The following FOCAD variants were observed in gnomAD, a reference collection of about 807,000 sequenced individuals.
FOCAD encodes KIAA1797.
Under a neutral mutation model 225.6 loss-of-function variants are expected in FOCAD, and 198 were observed. The ratio of observed to expected loss-of-function variants is 0.88; its 90% confidence interval spans 0.78 to 0.99. The LOEUF is 0.99. Among genes scored for constraint, FOCAD ranks in the 50% least tolerant of loss-of-function variants. The pLI, the probability that FOCAD is intolerant of heterozygous loss-of-function variation, is 0.00. For missense variants in FOCAD, 2,713 were observed against 2,123.6 expected, an observed-to-expected ratio of 1.28 and a Z score of -5.46; for synonymous variants, 897 against 755.0, an observed-to-expected ratio of 1.19 and a Z score of -3.08.
At chr9:20,702,224 T>C (rs1271032099) in intron 1 of FOCAD, among the ~76,000 whole-genome samples, 1 of 152,128 alleles carries the variant, frequency 6.6e-6, no homozygotes, top group Non-Finnish European at 1.5e-5. Context: ...CACTGCAGCC[T>C]CCTGGGTAGC....
intron 36 of FOCAD, among the ~76,000 whole-genome samples, chr9:20,977,382 C>G (rs183432500): frequency 2.0e-5 from 3 of 152,328 alleles, no homozygotes; most frequent in Non-Finnish European, 4.4e-5. Context: ...ATTATTCTGC[C>G]TACCACAGTT....
intron 6 of FOCAD, among the ~76,000 whole-genome samples, chr9:20,758,559 C>A (rs951243138): frequency 1.4e-5 from 2 of 143,824 alleles, no homozygotes; most frequent in African/African-American, 2.6e-5. Flanking sequence ...TGTTCCCCTT[C>A]CTGTGTCCAT....
chr9:20,938,139 A>T (rs1427415864), intron 28 of FOCAD, among the ~76,000 whole-genome samples: 1 of 152,252 alleles, frequency 6.6e-6, no homozygotes, highest in Non-Finnish European at 1.5e-5. Flanking sequence ...GTGGGACCGT[A>T]AACTAGTTCA....
chr9:20,762,830 C>A (rs780342726), intron 6 of FOCAD, among the ~76,000 whole-genome samples: 1 of 152,156 alleles, frequency 6.6e-6, no homozygotes, highest in Non-Finnish European at 1.5e-5. Context: ...CCTTCCCACC[C>A]TCTGTTTGGA....
chr9:20,672,024 C>A (rs927311423), intron 2 of FOCAD, among the ~76,000 whole-genome samples: 1 of 151,268 alleles, frequency 6.6e-6, no homozygotes, highest in Admixed American at 6.6e-5. Context: ...TTTACCAGCA[C>A]ACCACTGACT....
intron 2 of FOCAD, among the ~76,000 whole-genome samples, chr9:20,661,619 C>G (rs1409615876): frequency 6.6e-6 from 1 of 152,116 alleles, no homozygotes; most frequent in East Asian, 1.9e-4. Context: ...TACTGTTTTA[C>G]ATTTTGTCAC....
chr9:20,691,363 T>G (rs1822966145), intron 1 of FOCAD, among the ~76,000 whole-genome samples: 1 of 152,206 alleles, frequency 6.6e-6, no homozygotes, highest in South Asian at 2.1e-4. Flanking sequence ...ATCTCCCTGA[T>G]AAGAGTGCTG....
Position 20,778,662 on chromosome 9 carries a change from T to TC in FOCAD, c.907-14dup. ...GGGAACTTCTTTAACAACTCCTTTT[T>TC]CCCCCTCTATTCTTTTAGGATTTTC... On this transcript the variant is annotated intron_variant, in intron 8 of 43. Coordinates refer to ENST00000338382, the MANE Select transcript of FOCAD (RefSeq NM_001375567.1). 7.0e-7 allele frequency: 1 copy of TC among 1,438,116 alleles called. No individual in the cohort carries two copies. 89.1% of individuals were successfully genotyped at this position (1,438,116 alleles called of 1,614,324 possible).
chr9:20,990,523 C>G lies in FOCAD; in HGVS notation c.5256+149C>G, dbSNP rs527301291. The G allele has an allele frequency of 9.7e-4, 993 of 1,022,668 alleles. 3 individuals are homozygous for G. The highest frequency in any genetic ancestry group is 1.2e-3 in the Non-Finnish European group (845 of 718,668). The allele number at this position is 1,022,668 out of a possible 1,614,324, so 63.3% of individuals were successfully genotyped here. On this transcript the variant is annotated intron_variant, in intron 42 of 43. Transcript: ENST00000338382. Reference sequence around the variant, plus strand: ...CCCATATCTCAGCCAGATGCAGAGTCTCAGAGATTGAGGCTAGCCCAGGCT... The same window carrying G: ...CCCATATCTCAGCCAGATGCAGAGTGTCAGAGATTGAGGCTAGCCCAGGCT...
At chr9:20,782,786 T>A (rs1208129823) in intron 10 of FOCAD, among the ~76,000 whole-genome samples, 1 of 152,198 alleles carries the variant, frequency 6.6e-6, no homozygotes, top group Non-Finnish European at 1.5e-5. Context: ...CAGAGATACC[T>A]CTTATGTTAA....
In FOCAD at chr9:20,953,052, A is replaced by G; in HGVS notation, c.4119A>G (p.Thr1373=). The change falls in exon 35 of 44, where the codon ACA becomes ACG. Residue 1373 remains threonine (T), a synonymous_variant. Coordinates refer to ENST00000338382, the MANE Select transcript of FOCAD (RefSeq NM_001375567.1). The stretch of plus-strand genomic sequence containing the variant: ...GAGCAGCTATTGGCTTCTTCATTAC[A>G]GGAGGAAAAAAAGGCAAGTGAGCAC... The part of the protein sequence containing the change: ...FIGAAIGFFI[T]GGKKGPESVP... 6.2e-7 allele frequency: 1 copy of G among 1,612,818 alleles called. No homozygotes were observed.
At chr9:20,957,478 C>CTTTTCTTTTTTTTTTTTTTTT (rs1554741394) in intron 35 of FOCAD, 7 of 81,480 alleles carry the variant, frequency 8.6e-5, no homozygotes, top group African/African-American at 2.9e-4. Flanking sequence ...CTTTTCTTTT[C>CTTTTCTTTTTTTTTTTTTTTT]TTTTTTTTTT....
chr9:20,742,135 G>A (rs970208441), intron 5 of FOCAD, among the ~76,000 whole-genome samples: 1 of 152,102 alleles, frequency 6.6e-6, no homozygotes, highest in African/African-American at 2.4e-5. Context: ...CCCTCTCAGG[G>A]AAGTATTTTT....
chr9:20,966,732 G>A (rs1284742766), intron 35 of FOCAD, among the ~76,000 whole-genome samples: 1 of 151,972 alleles, frequency 6.6e-6, no homozygotes, highest in Admixed American at 6.6e-5. Flanking sequence ...TTTTGCATGT[G>A]AGTATCTAGT....
In FOCAD at chr9:20,981,437, G is replaced by C. The variant is rs1443542288; in HGVS notation, c.4389G>C (p.Lys1463Asn). The change falls in exon 38 of 44, where the codon AAG becomes AAC. Residue 1463 changes from lysine to asparagine, a missense_variant. Lys to Asn is a moderately conservative substitution (Grantham distance 94, BLOSUM62 0). Coordinates refer to ENST00000338382, the MANE Select transcript of FOCAD (RefSeq NM_001375567.1). ...PLIHSLSLNTKRYLLISAPLW... is the reference protein window; with the variant it reads ...PLIHSLSLNTNRYLLISAPLW... ...TGTTTTACTTCCAGCTGAATACCAA[G>C]AGATATCTCCTGATATCTGCACCTC... 2 of 1,613,974 alleles carry C rather than the reference G, an allele frequency of 1.2e-6. No homozygotes were observed. The highest frequency in any genetic ancestry group is 2.7e-5 in the African/African-American group (2 of 75,058).
chr9:20,993,800 A>T (rs1412927843), intron 43 of FOCAD, among the ~76,000 whole-genome samples: 6 of 152,188 alleles, frequency 3.9e-5, no homozygotes, highest in African/African-American at 1.4e-4. Context: ...TTTGAACCAG[A>T]AAGTAGACTT....
intron 15 of FOCAD, among the ~76,000 whole-genome samples, chr9:20,855,207 G>A (rs1309265221): frequency 6.6e-6 from 1 of 151,428 alleles, no homozygotes; most frequent in Admixed American, 6.6e-5. Flanking sequence ...CCATGTATAA[G>A]AAATAGTGGT....
intron 11 of FOCAD, among the ~76,000 whole-genome samples, chr9:20,792,476 T>C (rs957789457): frequency 1.3e-5 from 2 of 152,332 alleles, no homozygotes; most frequent in Middle Eastern, 3.4e-3. Context: ...CGTATCCCCA[T>C]TGATGAGTTT....
chr9:20,907,785 C>T (rs892668775), intron 22 of FOCAD, among the ~76,000 whole-genome samples: 2 of 152,090 alleles, frequency 1.3e-5, no homozygotes, highest in African/African-American at 4.8e-5. Context: ...CTTTACCCAC[C>T]TAATTTCTAC....
Sources: gnomAD v4.1 joint callset for allele counts (sites outside exome capture counted in the v4.1 genomes callset) on GRCh38, gnomAD v4.1.1 for gene constraint, MANE v1.5 for transcripts, NCBI Gene and HGNC (gene_info 2026-07-23, HGNC 2026-07-21) for gene names.